The following RABGAP1L variants were observed in gnomAD, a reference collection of about 807,000 sequenced individuals.
The protein encoded by RABGAP1L is RAB GTPase activating protein 1 like.
In RABGAP1L, 63 loss-of-function variants were observed where a neutral mutation model predicts 137.7. That is an observed-to-expected ratio of 0.46 (90% CI 0.37 to 0.56). The LOEUF (loss-of-function observed/expected upper bound fraction) is 0.56, where lower values mean the gene tolerates loss of function less well. RABGAP1L is among the 20% of genes least tolerant of loss of function. RABGAP1L has a pLI of 0.00. For missense variants in RABGAP1L, 1,095 were observed against 1,244.0 expected, an observed-to-expected ratio of 0.88 and a Z score of 1.80; for synonymous variants, 431 against 433.7, an observed-to-expected ratio of 0.99 and a Z score of 0.08.
At chr1:174,738,512 A>C (rs941898537) in intron 17 of RABGAP1L, among the ~76,000 whole-genome samples, 2 of 152,204 alleles carry the variant, frequency 1.3e-5, no homozygotes, top group Non-Finnish European at 2.9e-5. Context: ...AATACAGTAG[A>C]TGTTAATACC....
chr1:174,178,633 C>G (rs932728115), intron 1 of RABGAP1L, among the ~76,000 whole-genome samples: 1 of 152,176 alleles, frequency 6.6e-6, no homozygotes, highest in Non-Finnish European at 1.5e-5. Context: ...ACATATACAC[C>G]ATGGAATACT....
At chr1:174,675,208 T>C (rs1356744902) in intron 14 of RABGAP1L, among the ~76,000 whole-genome samples, 3 of 152,172 alleles carry the variant, frequency 2.0e-5, no homozygotes, top group Non-Finnish European at 1.5e-5. Flanking sequence ...CTTCTAGGGT[T>C]TTTATGGTTT....
chr1:174,968,657 C>CA (rs974966836), intron 20 of RABGAP1L, among the ~76,000 whole-genome samples: 6 of 151,382 alleles, frequency 4.0e-5, no homozygotes, highest in Admixed American at 3.9e-4. Context: ...TTTTAAAAAA[C>CA]AAAAAAACTA....
intron 1 of RABGAP1L, among the ~76,000 whole-genome samples, chr1:174,201,156 C>G (rs1463527350): frequency 1.3e-5 from 2 of 152,006 alleles, no homozygotes; most frequent in Admixed American, 6.6e-5. Flanking sequence ...GAGTCTCCCT[C>G]TGTTGCTCAG....
chr1:174,670,461 T>C (rs933397560), intron 14 of RABGAP1L, among the ~76,000 whole-genome samples: 4 of 152,160 alleles, frequency 2.6e-5, no homozygotes, highest in Middle Eastern at 3.2e-3. Context: ...ATAGTCACCC[T>C]GTTATGCTAT....
chr1:174,575,375 A>G (rs1668298490), intron 13 of RABGAP1L, among the ~76,000 whole-genome samples: 2 of 152,294 alleles, frequency 1.3e-5, no homozygotes, highest in South Asian at 4.1e-4. Flanking sequence ...AGCTCTATCC[A>G]TGGAGACTAC....
chr1:174,244,510 G>A (rs778864624), intron 5 of RABGAP1L: 1 of 152,192 alleles, frequency 6.6e-6, no homozygotes, highest in Non-Finnish European at 1.5e-5. Context: ...CCACAGAAGG[G>A]TTAGGACACA....
At chr1:174,566,768 A>G (rs1159373504) in intron 13 of RABGAP1L, among the ~76,000 whole-genome samples, 1 of 152,128 alleles carries the variant, frequency 6.6e-6, no homozygotes, top group Non-Finnish European at 1.5e-5. Context: ...ACTATTGATC[A>G]TGTTGGGAAA....
At chr1:174,176,713 GAAAAAAAAAA>G (rs71563251) in intron 1 of RABGAP1L, among the ~76,000 whole-genome samples, 12 of 21,550 alleles carry the variant, frequency 5.6e-4, no homozygotes, top group Non-Finnish European at 5.3e-4. Context: ...CCCTTTTTCA[GAAAAAAAAAA>G]AAAAAAAAAA....
At chr1:174,927,925 C>T (rs1663106387) in intron 19 of RABGAP1L, among the ~76,000 whole-genome samples, 3 of 152,130 alleles carry the variant, frequency 2.0e-5, no homozygotes, top group South Asian at 2.1e-4. Flanking sequence ...TCAATATTGT[C>T]GTTGCCTCTC....
chr1:174,347,378 A>C (rs550472071), intron 11 of RABGAP1L, among the ~76,000 whole-genome samples: 4 of 151,980 alleles, frequency 2.6e-5, no homozygotes, highest in African/African-American at 9.6e-5. Flanking sequence ...TGGTTTATAT[A>C]TCTGGGTGCT....
chr1:174,769,815 T>C (rs1162037842), intron 18 of RABGAP1L, among the ~76,000 whole-genome samples: 3 of 151,822 alleles, frequency 2.0e-5, no homozygotes, highest in Admixed American at 6.6e-5. Context: ...ATCACGCCAC[T>C]GCACTCCAGC....
At chr1:174,242,144 A>G (rs1671883182) in intron 5 of RABGAP1L, among the ~76,000 whole-genome samples, 1 of 152,210 alleles carries the variant, frequency 6.6e-6, no homozygotes, top group South Asian at 2.1e-4. Context: ...CTCAGAGGCT[A>G]TATTTTGCTC....
At chr1:174,434,109 AC>A (rs1652972326) in intron 13 of RABGAP1L, among the ~76,000 whole-genome samples, 1 of 34,216 alleles carries the variant, frequency 2.9e-5, no homozygotes, top group Non-Finnish European at 4.5e-5. Context: ...GTGTACACAT[AC>A]ACACACACAC....
At chr1:174,969,126 C>T in intron 20 of RABGAP1L, 151 bp from the exon 21 acceptor site, 2 of 624,732 alleles carry the variant, frequency 3.2e-6, no homozygotes, top group Non-Finnish European at 5.8e-6. Context: ...TGTTGTTTCC[C>T]AGACAGCAAT....
intron 10 of RABGAP1L, among the ~76,000 whole-genome samples, chr1:174,291,280 C>T (rs1439281953): frequency 6.7e-6 from 1 of 148,998 alleles, no homozygotes; most frequent in African/African-American, 2.5e-5. Context: ...TTTTTTTAAA[C>T]ATTAAGCCAA....
intron 17 of RABGAP1L, among the ~76,000 whole-genome samples, chr1:174,713,917 C>A (rs1466060709): frequency 6.6e-6 from 1 of 152,158 alleles, no homozygotes; most frequent in Non-Finnish European, 1.5e-5. Context: ...TCCCATTATT[C>A]TCCATAGCAT....
At chr1:174,216,758 T>C (rs933912991) in intron 1 of RABGAP1L, among the ~76,000 whole-genome samples, 2 of 152,166 alleles carry the variant, frequency 1.3e-5, no homozygotes, top group African/African-American at 4.8e-5. Flanking sequence ...TTTGCTTGTT[T>C]TGGAACTTGT....
intron 18 of RABGAP1L, among the ~76,000 whole-genome samples, chr1:174,803,687 A>C (rs1170220926): frequency 6.6e-6 from 1 of 152,076 alleles, no homozygotes; most frequent in African/African-American, 2.4e-5. Flanking sequence ...TTAAAGAAAT[A>C]TTTATTCAAG....
Sources: allele counts gnomAD v4.1 joint callset (sites outside exome capture counted in the v4.1 genomes callset), GRCh38; gene constraint gnomAD v4.1.1; transcripts MANE v1.5; gene names NCBI Gene and HGNC (gene_info 2026-07-23, HGNC 2026-07-21).